The following LRRFIP1 variants were observed in gnomAD, a reference collection of about 807,000 sequenced individuals.
LRRFIP1 encodes the protein LRR binding FLII interacting protein 1.
A neutral mutation model predicts 104.4 loss-of-function variants in LRRFIP1; 62 were observed. The observed-to-expected ratio is 0.59, with a 90% CI of 0.48 to 0.73. LRRFIP1 has a LOEUF of 0.73. Ranked by LOEUF, LRRFIP1 falls within the 30% of genes least tolerant of loss-of-function variation. LRRFIP1 has a pLI of 0.00. For synonymous variants in LRRFIP1, 300 were observed against 299.0 expected (o/e 1.00, Z -0.03); for missense variants, 796 against 824.5 (o/e 0.97, Z 0.42).
chr2:237,715,943 T>C (rs1052104828), intron 3 of LRRFIP1, among the ~76,000 whole-genome samples: 1 of 152,214 alleles, frequency 6.6e-6, no homozygotes, highest in Admixed American at 6.5e-5. Context: ...TAGCCACTTA[T>C]AAGACCACCC....
chr2:237,687,815 G>A (rs1390345410), intron 1 of LRRFIP1, among the ~76,000 whole-genome samples: 2 of 152,206 alleles, frequency 1.3e-5, no homozygotes, highest in Non-Finnish European at 2.9e-5. Flanking sequence ...GAGCCACTGT[G>A]TCCTCCCCGT....
rs890899123 is a variant in LRRFIP1 at position 237,641,056 on chromosome 2, T to C, written c.96+13316T>C. On this transcript the variant is annotated intron_variant, in intron 1 of 23. Coordinates refer to ENST00000308482, the MANE Select transcript of LRRFIP1 (RefSeq NM_001137550.2). ...CCACATACACTGTCCCTCTCACTAATTGAAAATTCAGCTTTAATATTCTGT... is the reference window on the plus strand; with the variant it reads ...CCACATACACTGTCCCTCTCACTAACTGAAAATTCAGCTTTAATATTCTGT... Among the ~76,000 whole-genome samples, 3 of 152,214 alleles carry C rather than the reference T, an allele frequency of 2.0e-5. 1 individual carries two copies. Among genetic ancestry groups the C allele is most frequent in the African/African-American group, 4.8e-5 (2 of 41,454 alleles).
intron 1 of LRRFIP1, among the ~76,000 whole-genome samples, chr2:237,678,000 G>A (rs561323786): frequency 2.0e-5 from 3 of 152,256 alleles, no homozygotes; most frequent in Admixed American, 1.3e-4. Context: ...AGTCCATTGC[G>A]TCACCTCGGG....
intron 15 of LRRFIP1, among the ~76,000 whole-genome samples, chr2:237,754,258 A>G (rs1355035390): frequency 6.6e-6 from 1 of 152,206 alleles, no homozygotes; most frequent in East Asian, 1.9e-4. Context: ...GCTGATTGGG[A>G]AAAGACACAG....
chr2:237,635,266 G>T (rs1325749687), intron 1 of LRRFIP1, among the ~76,000 whole-genome samples: 1 of 152,204 alleles, frequency 6.6e-6, no homozygotes, highest in Admixed American at 6.5e-5. Context: ...GATGAACTCT[G>T]TGTCTTCTTT....
At chr2:237,748,548 C>A in intron 12 of LRRFIP1, 149 bp downstream of exon 12, 2 of 686,392 alleles carry the variant, frequency 2.9e-6, no homozygotes, top group East Asian at 2.6e-5. Context: ...ATCACCTTCC[C>A]GGAGGTAGGC....
At chr2:237,710,280 A>G (rs940761407) in intron 2 of LRRFIP1, among the ~76,000 whole-genome samples, 3 of 151,166 alleles carry the variant, frequency 2.0e-5, no homozygotes, top group African/African-American at 7.3e-5. Flanking sequence ...TATTGATTGT[A>G]TCCTTTTTTT....
intron 1 of LRRFIP1, among the ~76,000 whole-genome samples, chr2:237,632,207 A>ACT (rs1559431330): frequency 2.0e-5 from 3 of 148,374 alleles, no homozygotes; most frequent in Admixed American, 6.7e-5. Context: ...GGGGTCACAC[A>ACT]GCCCCCAAGG....
At chr2:237,760,273 G>A (rs2059721361) in intron 19 of LRRFIP1, 68 bp downstream of exon 19, 1 of 1,554,362 alleles carries the variant, frequency 6.4e-7, no homozygotes. Context: ...TCCATGCACT[G>A]CTGGGGTTGG....
intron 16 of LRRFIP1, among the ~76,000 whole-genome samples, 172 bp from the exon 17 acceptor site, chr2:237,757,284 G>A (rs1033804608): frequency 1.3e-5 from 2 of 152,144 alleles, no homozygotes; most frequent in Non-Finnish European, 2.9e-5. Flanking sequence ...TCTTGAAGCC[G>A]GAAGTAGGAC....
At chr2:237,753,511 A>G (rs3769061) in intron 15 of LRRFIP1, 32 bp downstream of exon 15, 307,512 of 1,524,658 alleles carry the variant, frequency 0.2, 34,722 homozygotes, top group East Asian at 0.5. Flanking sequence ...AATGTTAACA[A>G]TAGGCTGCGT....
At position 237,726,195 on chromosome 2, in the gene LRRFIP1, T is replaced by C. The variant is rs534143106; in HGVS notation, c.385-1681T>C. Among the ~76,000 whole-genome samples, 12 of 152,364 alleles carry C rather than the reference T, an allele frequency of 7.9e-5. No individual in the cohort carries two copies. In the East Asian group the frequency reaches 1.5e-3, roughly 20 times the overall value. ...TTCAGAAATGTTTTAATGTTACTCATAGAGTTCTCAAATTTAATATGGAAG... is the reference window on the plus strand; with the variant it reads ...TTCAGAAATGTTTTAATGTTACTCACAGAGTTCTCAAATTTAATATGGAAG... On this transcript the variant is annotated intron_variant, in intron 7 of 23. Transcript: ENST00000308482.
At chr2:237,757,423 C>A in intron 16 of LRRFIP1, 33 bp from the exon 17 acceptor site, 1 of 1,471,124 alleles carries the variant, frequency 6.8e-7, no homozygotes, top group Non-Finnish European at 9.3e-7. Context: ...CTCTTTAACC[C>A]TTTATCTGCT....
At chr2:237,734,550 G>A (rs948264456) in intron 9 of LRRFIP1, among the ~76,000 whole-genome samples, 1 of 152,096 alleles carries the variant, frequency 6.6e-6, no homozygotes, top group Non-Finnish European at 1.5e-5. Context: ...AGAGTGCTAG[G>A]ATTACAGGCA....
At chr2:237,660,526 C>T (rs76145051) in intron 1 of LRRFIP1, among the ~76,000 whole-genome samples, 3,939 of 152,316 alleles carry the variant, frequency 0.026, 76 homozygotes, top group Middle Eastern at 0.082. Flanking sequence ...TACAGCTGGC[C>T]AGCATCTGTC....
intron 8 of LRRFIP1, among the ~76,000 whole-genome samples, chr2:237,732,756 A>T (rs564568108): frequency 2.0e-5 from 3 of 152,234 alleles, no homozygotes; most frequent in South Asian, 2.1e-4. Flanking sequence ...TTGTTTTTTT[A>T]AAAATATTTT....
chr2:237,736,980 G>A (rs112148855), intron 10 of LRRFIP1, among the ~76,000 whole-genome samples: 71 of 152,278 alleles, frequency 4.7e-4, no homozygotes, highest in African/African-American at 1.5e-3. Flanking sequence ...GGCCCAGGAC[G>A]GTGTCCAGAG....
intron 6 of LRRFIP1, among the ~76,000 whole-genome samples, chr2:237,722,848 G>A (rs918728743): frequency 6.6e-6 from 1 of 152,126 alleles, no homozygotes; most frequent in Non-Finnish European, 1.5e-5. Flanking sequence ...TCCTCCGTGC[G>A]CTGGGTTCCC....
At chr2:237,723,064 A>G (rs2094589676) in intron 6 of LRRFIP1, among the ~76,000 whole-genome samples, 1 of 152,212 alleles carries the variant, frequency 6.6e-6, no homozygotes, top group Non-Finnish European at 1.5e-5. Flanking sequence ...GCTAGAAAAA[A>G]TGATAAACCC....
Sources: gnomAD v4.1 joint callset for allele counts (sites outside exome capture counted in the v4.1 genomes callset) on GRCh38, gnomAD v4.1.1 for gene constraint, MANE v1.5 for transcripts, NCBI Gene and HGNC (gene_info 2026-07-23, HGNC 2026-07-21) for gene names.